The following SGCG variants were observed in gnomAD, a reference collection of about 807,000 sequenced individuals.
SGCG encodes the protein sarcoglycan gamma, also known as gamma-sarcoglycan.
Under a neutral mutation model 29.3 loss-of-function variants are expected in SGCG, and 26 were observed. The observed-to-expected ratio is 0.89, with a 90% CI of 0.65 to 1.23. SGCG has a LOEUF of 1.23. Ranked by LOEUF, SGCG falls within the 50% of genes most tolerant of loss-of-function variation. The pLI, the probability that SGCG is intolerant of heterozygous loss-of-function variation, is 0.00. For missense variants in SGCG, 353 were observed against 356.0 expected, an observed-to-expected ratio of 0.99 and a Z score of 0.07; for synonymous variants, 145 against 129.7, an observed-to-expected ratio of 1.12 and a Z score of -0.80.
At chr13:23,301,923 G>A (rs1405257724) in intron 6 of SGCG, among the ~76,000 whole-genome samples, 1 of 151,710 alleles carries the variant, frequency 6.6e-6, no homozygotes, top group Non-Finnish European at 1.5e-5. Context: ...AAAATCAATG[G>A]GAACACTACT....
At chr13:23,223,061 G>A (rs1052083015) in intron 2 of SGCG, among the ~76,000 whole-genome samples, 6 of 151,880 alleles carry the variant, frequency 4.0e-5, no homozygotes, top group Non-Finnish European at 7.4e-5. Context: ...GGCAGATCAC[G>A]AGGTCAGGAG....
At chr13:23,177,069 G>T (rs1010658232), upstream of SGCG, among the ~76,000 whole-genome samples, 5 of 152,160 alleles carry the variant, frequency 3.3e-5, no homozygotes, top group Non-Finnish European at 7.4e-5. Context: ...CTGTCATTTT[G>T]AGAACATGGA....
chr13:23,279,623 G>A, intron 5 of SGCG, 145 bp downstream of exon 5: 4 of 780,436 alleles, frequency 5.1e-6, no homozygotes, highest in Non-Finnish European at 8.5e-6. Context: ...CATTTCTGTT[G>A]AACTCCCTCG....
rs140098073 is a variant in SGCG, at chr13:23,198,044, A to G, written c.1-5651A>G. 4.1e-4 allele frequency among the ~76,000 whole-genome samples: 63 copies of G among 152,378 alleles called. No individual in the cohort carries two copies. In the East Asian group the frequency reaches 8.7e-3, roughly 21 times the overall value. ...TGGTGGAAATTTGTACCAGAAAAAC[A>G]TTGAAACCAAAAGTGGCATACCAAA... On this transcript the variant is annotated intron_variant, in intron 1 of 7. Coordinates refer to ENST00000218867, the MANE Select transcript of SGCG (RefSeq NM_000231.3).
At chr13:23,279,544 T>C in intron 5 of SGCG, 66 bp downstream of exon 5, 5 of 1,493,884 alleles carry the variant, frequency 3.3e-6, no homozygotes, top group Admixed American at 1.7e-5. Flanking sequence ...CACATTGTAC[T>C]ATTGACAAGT....
chr13:23,266,084 T>C (rs953855604), intron 4 of SGCG, among the ~76,000 whole-genome samples: 1 of 152,112 alleles, frequency 6.6e-6, no homozygotes, highest in Non-Finnish European at 1.5e-5. Flanking sequence ...GAGACCAGCC[T>C]GGACAACATG....
intron 2 of SGCG, among the ~76,000 whole-genome samples, chr13:23,212,494 A>G (rs1420845727): frequency 1.3e-5 from 2 of 152,180 alleles, no homozygotes; most frequent in Admixed American, 6.5e-5. Context: ...TTGATAAATA[A>G]GAGATTAAAT....
At chr13:23,216,529 G>A (rs571649977) in intron 2 of SGCG, among the ~76,000 whole-genome samples, 27 of 152,054 alleles carry the variant, frequency 1.8e-4, no homozygotes, top group Non-Finnish European at 3.1e-4. Flanking sequence ...AAATTTATTA[G>A]TCTATTATTT....
At position 23,197,254 on chromosome 13, in the gene SGCG, G is replaced by C. The variant is rs9580564; in HGVS notation, c.1-6441G>C. On this transcript the variant is annotated intron_variant, in intron 1 of 7. Transcript: ENST00000218867. ...CTATTATGTGCACATAACTGATACTGGTCACGGTCACCTAGTCACATCGTT... is the reference window on the plus strand; with the variant it reads ...CTATTATGTGCACATAACTGATACTCGTCACGGTCACCTAGTCACATCGTT... 4.3e-3 allele frequency among the ~76,000 whole-genome samples: 656 copies of C among 152,146 alleles called. 9 individuals carry two copies. Among genetic ancestry groups the C allele is most frequent in the African/African-American group, 0.014 (581 of 41,488 alleles).
intron 1 of SGCG, among the ~76,000 whole-genome samples, chr13:23,185,569 A>T (rs550459213): frequency 6.6e-6 from 1 of 152,270 alleles, no homozygotes; most frequent in East Asian, 1.9e-4. Flanking sequence ...CAAGCTGGAG[A>T]TATGCGTGCC....
chr13:23,302,683 AT>A (rs1246952551), intron 6 of SGCG, among the ~76,000 whole-genome samples: 3 of 152,200 alleles, frequency 2.0e-5, no homozygotes, highest in African/African-American at 7.2e-5. Context: ...AAAAATCAAT[AT>A]ATTAAGATTT....
chr13:23,316,102 G>C (rs1882798430), intron 6 of SGCG, among the ~76,000 whole-genome samples: 1 of 152,178 alleles, frequency 6.6e-6, no homozygotes, highest in Non-Finnish European at 1.5e-5. Flanking sequence ...TACAGCCACT[G>C]CTGAGTACCC....
intron 6 of SGCG, among the ~76,000 whole-genome samples, chr13:23,314,020 C>A (rs1002744861): frequency 1.3e-5 from 2 of 152,128 alleles, no homozygotes; most frequent in African/African-American, 4.8e-5. Context: ...AGTTTTGAGA[C>A]TTGGACTGGC....
chr13:23,322,982 C>T (rs556384220), intron 7 of SGCG, among the ~76,000 whole-genome samples: 4 of 152,212 alleles, frequency 2.6e-5, no homozygotes, highest in African/African-American at 9.6e-5. Context: ...TGAGACACTA[C>T]TGTAGGAATA....
intron 4 of SGCG, among the ~76,000 whole-genome samples, chr13:23,278,218 C>A (rs550868109): frequency 1.2e-4 from 19 of 152,032 alleles, no homozygotes; most frequent in African/African-American, 4.3e-4. Flanking sequence ...CCAAGGCTGG[C>A]GGATCACCTG....
At chr13:23,258,376 G>A (rs1164487353) in intron 4 of SGCG, among the ~76,000 whole-genome samples, 4 of 151,818 alleles carry the variant, frequency 2.6e-5, no homozygotes, top group Admixed American at 6.6e-5. Context: ...AGGGATGCTC[G>A]TGATTTTGGC....
At chr13:23,212,892 G>C (rs143219196) in intron 2 of SGCG, among the ~76,000 whole-genome samples, 6 of 152,244 alleles carry the variant, frequency 3.9e-5, no homozygotes, top group Admixed American at 1.3e-4. Context: ...TGAGTAGCAG[G>C]AGTCCTTGAC....
intron 1 of SGCG, among the ~76,000 whole-genome samples, chr13:23,198,770 C>T (rs367826053): frequency 8.2e-5 from 12 of 146,128 alleles, no homozygotes; most frequent in African/African-American, 2.5e-4. Flanking sequence ...CGCTTGAACC[C>T]GGGAGGTGGA....
rs543778404 is a variant in SGCG at position 23,281,593 on chromosome 13, A to G, written c.505+2115A>G. On this transcript the variant is annotated intron_variant, in intron 5 of 7. Transcript: ENST00000218867. ...GCTCTCTGTAGAAGAGCAGTCCCCA[A>G]CCATTTTGGCACCAGGGACTGGTTT... Among the ~76,000 whole-genome samples, 5 of 152,192 alleles carry G rather than the reference A, an allele frequency of 3.3e-5. No homozygotes were observed. In the East Asian group the frequency reaches 5.8e-4, roughly 18 times the overall value.
Sources: gnomAD v4.1 joint callset for allele counts (sites outside exome capture counted in the v4.1 genomes callset) on GRCh38, gnomAD v4.1.1 for gene constraint, MANE v1.5 for transcripts, NCBI Gene and HGNC (gene_info 2026-07-23, HGNC 2026-07-21) for gene names.